COLEC10: variants seen among roughly 807,000 people sequenced by gnomAD.
COLEC10 encodes collectin-10.
COLEC10 carries 22 observed loss-of-function variants against 28.4 expected under a neutral mutation model. That is an observed-to-expected ratio of 0.78 (90% CI 0.55 to 1.11). The LOEUF (loss-of-function observed/expected upper bound fraction) is 1.11. Ranked by LOEUF, COLEC10 falls within the 50% of genes least tolerant of loss-of-function variation. COLEC10 has a pLI of 0.00. For missense variants in COLEC10, 361 were observed against 344.1 expected, an observed-to-expected ratio of 1.05 and a Z score of -0.39; for synonymous variants, 125 against 116.1, an observed-to-expected ratio of 1.08 and a Z score of -0.49.
the COLEC10 span, among the ~76,000 whole-genome samples, chr8:118,988,451 T>G: frequency 6.6e-6 from 1 of 152,074 alleles, no homozygotes; most frequent in African/African-American, 2.4e-5. Flanking sequence ...TCCAACCCTC[T>G]TGTTTCACCT....
At chr8:119,031,675 CT>C (rs1372158755) in intron 2 of COLEC10, among the ~76,000 whole-genome samples, 2 of 152,152 alleles carry the variant, frequency 1.3e-5, no homozygotes, top group South Asian at 2.1e-4. Flanking sequence ...TCCCATTCCC[CT>C]ATATCTTAGT....
At chr8:119,018,923 A>G (rs76830461) in intron 2 of COLEC10, among the ~76,000 whole-genome samples, 6,701 of 152,204 alleles carry the variant, frequency 0.044, 218 homozygotes, top group East Asian at 0.16. Context: ...GTGGTATACA[A>G]TCTTTTGTTA....
intron 3 of COLEC10, among the ~76,000 whole-genome samples, chr8:119,098,564 A>G (rs1484358880): frequency 6.6e-6 from 1 of 152,102 alleles, no homozygotes; most frequent in African/African-American, 2.4e-5. Flanking sequence ...TTTAAATAAA[A>G]TAAGCTCTGT....
chr8:119,056,841 C>A (rs560661668), intron 2 of COLEC10, among the ~76,000 whole-genome samples: 2 of 151,982 alleles, frequency 1.3e-5, no homozygotes, highest in Non-Finnish European at 2.9e-5. Flanking sequence ...ATGTATAATG[C>A]CCTTCAGGAT....
intron 2 of COLEC10, among the ~76,000 whole-genome samples, chr8:119,057,187 A>C (rs1310107005): frequency 6.6e-6 from 1 of 151,914 alleles, no homozygotes; most frequent in East Asian, 1.9e-4. Context: ...AGTTTTCACA[A>C]GATCTGATGG....
intron 1 of COLEC10, among the ~76,000 whole-genome samples, chr8:119,069,630 A>AAAATT (rs756874627): frequency 3.5e-5 from 1 of 28,890 alleles, no homozygotes; most frequent in Non-Finnish European, 5.9e-5. Context: ...AAAAAAAAAA[A>AAAATT]TATATATATA....
chr8:118,988,370 GTCTT>G, the COLEC10 span, among the ~76,000 whole-genome samples: 1 of 152,124 alleles, frequency 6.6e-6, no homozygotes, highest in Non-Finnish European at 1.5e-5. Flanking sequence ...CCATGTGAAA[GTCTT>G]TAGCAGAGAG....
At chr8:119,073,150 A>C (rs775945088) in intron 1 of COLEC10, among the ~76,000 whole-genome samples, 4 of 152,206 alleles carry the variant, frequency 2.6e-5, no homozygotes, top group Admixed American at 6.5e-5. Flanking sequence ...AGGCCCAGAG[A>C]GGTAAAATAA....
At chr8:119,068,943 TTAA>T (rs1405343033) in intron 1 of COLEC10, among the ~76,000 whole-genome samples, 2 of 151,726 alleles carry the variant, frequency 1.3e-5, no homozygotes, top group Non-Finnish European at 2.9e-5. Context: ...AATTTTATTC[TTAA>T]TAAAATTCTT....
intron 5 of COLEC10, among the ~76,000 whole-genome samples, 178 bp from the exon 6 acceptor site, chr8:119,105,622 T>C (rs1383453720): frequency 6.6e-6 from 1 of 152,170 alleles, no homozygotes; most frequent in Non-Finnish European, 1.5e-5. Context: ...TAGATATGTG[T>C]TCTCTATTTG....
chr8:119,043,059 T>C (rs1814526264), intron 2 of COLEC10, among the ~76,000 whole-genome samples: 1 of 152,142 alleles, frequency 6.6e-6, no homozygotes, highest in Admixed American at 6.5e-5. Context: ...AAACAAGCAA[T>C]ATGGAAAGAC....
chr8:119,023,085 T>G (rs925253264), intron 2 of COLEC10, among the ~76,000 whole-genome samples: 1 of 152,128 alleles, frequency 6.6e-6, no homozygotes, highest in African/African-American at 2.4e-5. Flanking sequence ...AAGCCTTTGC[T>G]TAAATATTAT....
upstream of COLEC10, among the ~76,000 whole-genome samples, chr8:118,993,986 C>T (rs898248166): frequency 1.8e-4 from 27 of 152,236 alleles, no homozygotes; most frequent in African/African-American, 5.5e-4. Flanking sequence ...CTAGGACTTG[C>T]TTTTAGCCAG....
At chr8:119,090,807 C>T (rs531071015) in intron 2 of COLEC10, among the ~76,000 whole-genome samples, 18 of 152,192 alleles carry the variant, frequency 1.2e-4, no homozygotes, top group African/African-American at 4.3e-4. Context: ...CAAAATAGAG[C>T]TAAAGAAGAA....
intron 2 of COLEC10, among the ~76,000 whole-genome samples, chr8:119,023,799 T>C (rs953040580): frequency 6.6e-6 from 1 of 152,182 alleles, no homozygotes; most frequent in Admixed American, 6.6e-5. Flanking sequence ...TACAATTGTA[T>C]GCCATCATTT....
chr8:119,054,067 A>G (rs191181170), intron 2 of COLEC10, among the ~76,000 whole-genome samples: 69 of 152,206 alleles, frequency 4.5e-4, no homozygotes, highest in African/African-American at 1.5e-3. Flanking sequence ...AAGCTCTGCA[A>G]TATTACAACA....
At chr8:119,013,245 G>T (rs562212544) in intron 2 of COLEC10, among the ~76,000 whole-genome samples, 1 of 150,398 alleles carries the variant, frequency 6.6e-6, no homozygotes, top group African/African-American at 2.5e-5. Context: ...GAAGTGCGTT[G>T]TTTAGTCTCC....
At chr8:118,973,883 C>G in the COLEC10 span, among the ~76,000 whole-genome samples, 1 of 152,052 alleles carries the variant, frequency 6.6e-6, no homozygotes, top group South Asian at 2.1e-4. Context: ...TCACAATATG[C>G]TTGCACCATC....
At chr8:119,016,273 G>A (rs186519100) in intron 2 of COLEC10, among the ~76,000 whole-genome samples, 108 of 152,218 alleles carry the variant, frequency 7.1e-4, no homozygotes, top group African/African-American at 2.5e-3. Flanking sequence ...GTAAGAACAT[G>A]CAGTGTTTGG....
Sources: allele counts gnomAD v4.1 joint callset (sites outside exome capture counted in the v4.1 genomes callset), GRCh38; gene constraint gnomAD v4.1.1; transcripts MANE v1.5; gene names NCBI Gene and HGNC (gene_info 2026-07-23, HGNC 2026-07-21).